Variants in C10orf143 observed in about 807,000 individuals in gnomAD.
C10orf143 encodes the protein uncharacterized protein C10orf143.
chr10:130,066,146 A>G (rs1860929218), intron 3 of C10orf143: 1 of 151,994 alleles, frequency 6.6e-6, no homozygotes, highest in East Asian at 1.9e-4. Flanking sequence ...AAACGTGGGG[A>G]CAAAGAGCCA....
At chr10:130,067,047 C>T (rs1860947848) in intron 3 of C10orf143, 1 of 152,214 alleles carries the variant, frequency 6.6e-6, no homozygotes, top group South Asian at 2.1e-4. Flanking sequence ...TTATTTGCTT[C>T]TAACCTTGGA....
intron 3 of C10orf143, among the ~76,000 whole-genome samples, chr10:130,038,612 G>C (rs1447245914): frequency 2.0e-5 from 3 of 152,158 alleles, no homozygotes; most frequent in Non-Finnish European, 4.4e-5. Flanking sequence ...TGGATGTAAA[G>C]GGACTGCCAG....
chr10:130,106,560 C>T (rs537487126), intron 1 of C10orf143: 19 of 1,579,284 alleles, frequency 1.2e-5, no homozygotes, highest in South Asian at 7.7e-5. Context: ...ATTTCAAAAA[C>T]GATACAGCCT....
intron 3 of C10orf143, among the ~76,000 whole-genome samples, chr10:130,049,195 T>G (rs1280430172): frequency 6.6e-6 from 1 of 152,138 alleles, no homozygotes; most frequent in East Asian, 1.9e-4. Flanking sequence ...CCTGGGCTCA[T>G]GCGTTTGCAC....
Position 130,049,664 on chromosome 10 carries a change from C to T in C10orf143, c.298-13694G>A, listed in dbSNP as rs545993794. 4.6e-5 allele frequency among the ~76,000 whole-genome samples: 7 copies of T among 152,314 alleles called. No homozygotes were observed. The East Asian group carries it at 5.8e-4, about 13-fold the overall frequency. On this transcript the variant is annotated intron_variant and NMD_transcript_variant, in intron 3 of 5. Coordinates refer to the C10orf143 transcript ENST00000643056. ...TTGGGTTCACGCTGTGGCCAACTCA[C>T]GCTGACTTCGCAGTCACTTTGTTGT...
chr10:130,110,575 G>C (rs1419426794), intron 1 of C10orf143, 129 bp downstream of exon 1: 9 of 397,132 alleles, frequency 2.3e-5, no homozygotes, highest in Admixed American at 1.3e-4. Context: ...GGACGTACGC[G>C]AGCGTGCGAG....
intron 3 of C10orf143, among the ~76,000 whole-genome samples, chr10:130,055,864 T>C (rs540201344): frequency 1.1e-3 from 165 of 147,692 alleles, no homozygotes; most frequent in Non-Finnish European, 2.1e-3. Flanking sequence ...GGGAATTGCT[T>C]GAACCCAGGA....
intron 3 of C10orf143, among the ~76,000 whole-genome samples, chr10:130,057,840 C>A (rs72843822): frequency 0.094 from 14,371 of 152,236 alleles, 919 homozygotes; most frequent in Non-Finnish European, 0.14. Context: ...AGTGATGATG[C>A]AGGTACTGTT....
intron 3 of C10orf143, among the ~76,000 whole-genome samples, chr10:130,074,777 G>A (rs1590019141): frequency 6.6e-6 from 1 of 152,090 alleles, no homozygotes; most frequent in East Asian, 1.9e-4. Flanking sequence ...GAAATACAAA[G>A]AAAAAATGCA....
chr10:130,075,021 A>T (rs2134760193), intron 3 of C10orf143, among the ~76,000 whole-genome samples: 1 of 152,182 alleles, frequency 6.6e-6, no homozygotes, highest in Non-Finnish European at 1.5e-5. Flanking sequence ...CAGGCAATAG[A>T]TTTCAATGTC....
chr10:130,048,320 G>A (rs1012908214), intron 3 of C10orf143, among the ~76,000 whole-genome samples: 21 of 152,184 alleles, frequency 1.4e-4, no homozygotes, highest in African/African-American at 4.6e-4. Flanking sequence ...GAGGGTAAGA[G>A]CCCCAGTCTG....
At chr10:130,096,346 G>A (rs960978510) in intron 1 of C10orf143, among the ~76,000 whole-genome samples, 5 of 151,874 alleles carry the variant, frequency 3.3e-5, no homozygotes, top group African/African-American at 1.2e-4. Flanking sequence ...GTTGGTGGGA[G>A]TGTAAATTAG....
chr10:130,058,498 A>T (rs1860819763), intron 3 of C10orf143, among the ~76,000 whole-genome samples: 1 of 152,126 alleles, frequency 6.6e-6, no homozygotes, highest in Admixed American at 6.6e-5. Flanking sequence ...CAAAATCATT[A>T]TGAAATTGAT....
intron 1 of C10orf143, among the ~76,000 whole-genome samples, chr10:130,096,531 G>A (rs1016584819): frequency 6.5e-5 from 9 of 139,126 alleles, no homozygotes; most frequent in Admixed American, 1.6e-4. Flanking sequence ...GCAAAGACTT[G>A]GAACCAACCC....
chr10:130,086,068 T>C (rs778774659), intron 1 of C10orf143, among the ~76,000 whole-genome samples: 6 of 152,234 alleles, frequency 3.9e-5, no homozygotes, highest in Admixed American at 2.0e-4. Flanking sequence ...CCAGTGTTTC[T>C]AAATTGCCAA....
intron 1 of C10orf143, among the ~76,000 whole-genome samples, chr10:130,080,508 G>GT (rs1861188809): frequency 6.6e-6 from 1 of 152,342 alleles, no homozygotes. Context: ...AAGACTTTGT[G>GT]TATTTTTAGG....
chr10:130,093,996 C>T (rs907270318), intron 1 of C10orf143, among the ~76,000 whole-genome samples: 27 of 141,020 alleles, frequency 1.9e-4, no homozygotes, highest in African/African-American at 6.2e-4. Flanking sequence ...GGCAACAGAG[C>T]GAGACTCCAT....
At chr10:130,050,960 G>A (rs1161325433) in intron 3 of C10orf143, among the ~76,000 whole-genome samples, 2 of 152,170 alleles carry the variant, frequency 1.3e-5, no homozygotes, top group African/African-American at 2.4e-5. Flanking sequence ...CCACTGAGCT[G>A]TTACGTGCAA....
intron 3 of C10orf143, among the ~76,000 whole-genome samples, chr10:130,064,634 C>G (rs1222208978): frequency 6.6e-6 from 1 of 152,056 alleles, no homozygotes; most frequent in Non-Finnish European, 1.5e-5. Flanking sequence ...CCCTTCTTTC[C>G]TATAGTACTT....
Sources: gnomAD v4.1 joint callset for allele counts (sites outside exome capture counted in the v4.1 genomes callset) on GRCh38, gnomAD v4.1.1 for gene constraint, MANE v1.5 for transcripts, NCBI Gene and HGNC (gene_info 2026-07-23, HGNC 2026-07-21) for gene names.